Variants in FCHSD2 observed in about 807,000 individuals in gnomAD.
FCHSD2 encodes FCH and double SH3 domains 2.
Under a neutral mutation model 108.1 loss-of-function variants are expected in FCHSD2, and 38 were observed. The ratio of observed to expected loss-of-function variants is 0.35; its 90% CI spans 0.27 to 0.46. FCHSD2 has a LOEUF of 0.46. Ranked by LOEUF, FCHSD2 falls within the 20% of genes least tolerant of loss-of-function variation. The pLI, the probability that FCHSD2 is intolerant of heterozygous loss-of-function variation, is 1.00. For missense variants in FCHSD2, 751 were observed against 897.8 expected, an observed-to-expected ratio of 0.84 and a Z score of 2.09; for synonymous variants, 279 against 314.7, an observed-to-expected ratio of 0.89 and a Z score of 1.20.
intron 14 of FCHSD2, among the ~76,000 whole-genome samples, chr11:72,846,098 A>G (rs1414887909): frequency 6.7e-6 from 1 of 149,434 alleles, no homozygotes; most frequent in Non-Finnish European, 1.5e-5. Flanking sequence ...ATAGATAAGT[A>G]GTTACGATTA....
At chr11:73,012,256 G>C (rs567261887) in intron 4 of FCHSD2, among the ~76,000 whole-genome samples, 53 of 152,296 alleles carry the variant, frequency 3.5e-4, no homozygotes, top group African/African-American at 1.3e-3. Flanking sequence ...TTAAGTGTGT[G>C]GGCGGGGAGC....
Position 73,008,202 on chromosome 11 carries a change from G to A in FCHSD2, c.243-7068C>T, listed in dbSNP as rs533826868. ...AAAAATACAAAAATTAGCAGGGCAT[G>A]GTGATGCACACCTGTAATCCCAGCT... On this transcript the variant is annotated intron_variant, in intron 4 of 19. Coordinates refer to ENST00000409418, the MANE Select transcript of FCHSD2 (RefSeq NM_014824.3). 1.2e-3 allele frequency among the ~76,000 whole-genome samples: 186 copies of A among 152,204 alleles called. 1 individual carries two copies. The highest frequency in any genetic ancestry group is 2.0e-3 in the Non-Finnish European group (133 of 68,002).
intron 8 of FCHSD2, chr11:72,940,531 A>C (rs1241899253): frequency 2.1e-6 from 2 of 932,906 alleles, no homozygotes; most frequent in Non-Finnish European, 3.5e-6. Flanking sequence ...GGAGCTATGG[A>C]GAAAGAAGTA....
At position 73,099,713 on chromosome 11, in the gene FCHSD2, G is replaced by T. The variant is rs532164440; in HGVS notation, c.120-15973C>A. Among the ~76,000 whole-genome samples, 46 of 152,340 alleles carry T rather than the reference G, an allele frequency of 3.0e-4. No homozygotes were observed. In the South Asian group the frequency reaches 4.8e-3, roughly 16 times the overall value. ...CCACCCTGGTTCTTCTGCACCCTCG[G>T]TCTGGTTGGGGCTGTCAAGCCGGAC... On this transcript the variant is annotated intron_variant, in intron 2 of 19. Coordinates refer to ENST00000409418, the MANE Select transcript of FCHSD2 (RefSeq NM_014824.3).
At chr11:73,140,009 G>A (rs1426357288) in intron 2 of FCHSD2, 22 bp downstream of exon 2, 2 of 1,350,692 alleles carry the variant, frequency 1.5e-6, no homozygotes, top group East Asian at 2.6e-5. Flanking sequence ...AGAAGTCCTT[G>A]AACTATTTAC....
chr11:73,050,844 T>C (rs946938943), intron 3 of FCHSD2, among the ~76,000 whole-genome samples: 1 of 152,142 alleles, frequency 6.6e-6, no homozygotes, highest in Non-Finnish European at 1.5e-5. Flanking sequence ...AAAAATAATA[T>C]AAGACTCAGA....
chr11:73,066,262 T>C (rs1232522512), intron 3 of FCHSD2, among the ~76,000 whole-genome samples: 1 of 152,176 alleles, frequency 6.6e-6, no homozygotes, highest in Non-Finnish European at 1.5e-5. Flanking sequence ...ATTACCTATT[T>C]AATAAATGTT....
At chr11:73,038,265 C>T (rs1858546894) in intron 3 of FCHSD2, among the ~76,000 whole-genome samples, 1 of 151,692 alleles carries the variant, frequency 6.6e-6, no homozygotes, top group African/African-American at 2.4e-5. Flanking sequence ...TCGCTTGAGC[C>T]CAGGAGTTTG....
chr11:73,011,130 C>A (rs1044998282), intron 4 of FCHSD2, among the ~76,000 whole-genome samples: 10 of 152,082 alleles, frequency 6.6e-5, no homozygotes, highest in African/African-American at 2.4e-4. Context: ...TGGGCAATCT[C>A]CTGGACCCTA....
chr11:72,879,999 CAAAAAAA>C (rs541384964), intron 12 of FCHSD2, among the ~76,000 whole-genome samples: 21 of 63,180 alleles, frequency 3.3e-4, no homozygotes, highest in Non-Finnish European at 4.5e-4. Context: ...AATTCTGTCT[CAAAAAAA>C]AAAAAAAAAA....
At chr11:72,974,125 A>T (rs1158128437) in intron 8 of FCHSD2, among the ~76,000 whole-genome samples, 2 of 152,172 alleles carry the variant, frequency 1.3e-5, no homozygotes, top group African/African-American at 4.8e-5. Flanking sequence ...TTGCTATAAC[A>T]GAATACCACA....
chr11:73,017,338 G>A (rs1311725633), intron 3 of FCHSD2, among the ~76,000 whole-genome samples: 1 of 152,134 alleles, frequency 6.6e-6, no homozygotes, highest in Non-Finnish European at 1.5e-5. Flanking sequence ...AGGGCCTAAT[G>A]TAATGGTTAT....
chr11:73,125,735 T>A (rs1860839790), intron 2 of FCHSD2, among the ~76,000 whole-genome samples: 1 of 151,364 alleles, frequency 6.6e-6, no homozygotes, highest in Non-Finnish European at 1.5e-5. Flanking sequence ...TATCTTAGAA[T>A]GACCACTTTA....
chr11:72,990,323 C>T (rs528356293), intron 5 of FCHSD2, among the ~76,000 whole-genome samples: 1 of 152,248 alleles, frequency 6.6e-6, no homozygotes, highest in East Asian at 1.9e-4. Context: ...GGTAGGCAAA[C>T]TGCATCAATT....
chr11:73,081,346 AT>A (rs1429730322), intron 3 of FCHSD2, among the ~76,000 whole-genome samples: 1 of 152,052 alleles, frequency 6.6e-6, no homozygotes, highest in Non-Finnish European at 1.5e-5. Context: ...AGGTAGGAGA[AT>A]TGCTTGAACT....
intron 3 of FCHSD2, among the ~76,000 whole-genome samples, chr11:73,067,729 C>A (rs1197158826): frequency 1.3e-5 from 2 of 152,078 alleles, no homozygotes; most frequent in African/African-American, 4.8e-5. Context: ...AAAACCCCTA[C>A]CTCTCAAAAT....
intron 3 of FCHSD2, among the ~76,000 whole-genome samples, chr11:73,036,508 T>A (rs572705624): frequency 6.6e-6 from 1 of 152,176 alleles, no homozygotes. Context: ...AAAATGGGCA[T>A]AATAATGAAA....
chr11:73,059,422 A>G (rs534834300), intron 3 of FCHSD2, among the ~76,000 whole-genome samples: 5 of 152,318 alleles, frequency 3.3e-5, no homozygotes, highest in Admixed American at 1.3e-4. Context: ...ATTGTGTCAG[A>G]TAAGTGTTAG....
At chr11:73,058,714 G>GC (rs1859091306) in intron 3 of FCHSD2, among the ~76,000 whole-genome samples, 2 of 150,962 alleles carry the variant, frequency 1.3e-5, no homozygotes, top group South Asian at 4.2e-4. Context: ...TCCTGCCTCA[G>GC]CCTCCCGAGT....
Sources: gnomAD v4.1 joint callset for allele counts (sites outside exome capture counted in the v4.1 genomes callset) on GRCh38, gnomAD v4.1.1 for gene constraint, MANE v1.5 for transcripts, NCBI Gene and HGNC (gene_info 2026-07-23, HGNC 2026-07-21) for gene names.